The following HCN1 variants were observed in gnomAD, a reference collection of about 807,000 sequenced individuals.
HCN1 encodes the protein potassium/sodium hyperpolarization-activated cyclic nucleotide-gated channel 1.
Under a neutral mutation model 78.9 loss-of-function variants are expected in HCN1, and 13 were observed. That is an observed-to-expected ratio of 0.16 (90% CI 0.11 to 0.26). The LOEUF is 0.26. Among genes scored for constraint, HCN1 ranks in the 10% least tolerant of loss-of-function variants. HCN1 has a pLI of 1.00. For synonymous variants in HCN1, 552 were observed against 455.5 expected, an observed-to-expected ratio of 1.21 and a Z score of -2.70; for missense variants, 810 against 1,154.3, an observed-to-expected ratio of 0.70 and a Z score of 4.32.
chr5:45,579,091 T>C (rs537259185), intron 2 of HCN1, among the ~76,000 whole-genome samples: 1 of 152,032 alleles, frequency 6.6e-6, no homozygotes, highest in Admixed American at 6.6e-5. Flanking sequence ...AGTATCTGTT[T>C]ATAAAATCAA....
chr5:45,355,004 T>C (rs1374080937), intron 4 of HCN1, among the ~76,000 whole-genome samples: 1 of 152,034 alleles, frequency 6.6e-6, no homozygotes, highest in East Asian at 1.9e-4. Flanking sequence ...GGAAAATTAA[T>C]CCCTTTGTAG....
intron 2 of HCN1, among the ~76,000 whole-genome samples, chr5:45,472,563 G>A (rs1309613828): frequency 8.0e-6 from 1 of 125,132 alleles, no homozygotes; most frequent in African/African-American, 3.1e-5. Flanking sequence ...AGGGAGGGAG[G>A]AAAGGAAAGA....
chr5:45,437,524 T>C (rs1740580378), intron 3 of HCN1, among the ~76,000 whole-genome samples: 1 of 152,190 alleles, frequency 6.6e-6, no homozygotes, highest in Non-Finnish European at 1.5e-5. Flanking sequence ...TCTCATCCAT[T>C]CACATTCATG....
At chr5:45,624,813 C>T (rs1745130515) in intron 2 of HCN1, among the ~76,000 whole-genome samples, 1 of 151,618 alleles carries the variant, frequency 6.6e-6, no homozygotes, top group Admixed American at 6.6e-5. Flanking sequence ...ATGTAGGGCA[C>T]ACTGGAACAA....
chr5:45,503,789 C>T (rs906261885), intron 2 of HCN1, among the ~76,000 whole-genome samples: 2 of 151,484 alleles, frequency 1.3e-5, no homozygotes, highest in African/African-American at 4.9e-5. Context: ...CCCTCCACCC[C>T]CTTAACCCTG....
chr5:45,448,070 C>T (rs983934218), intron 3 of HCN1, among the ~76,000 whole-genome samples: 4 of 151,476 alleles, frequency 2.6e-5, no homozygotes, highest in African/African-American at 9.7e-5. Flanking sequence ...TTATAATTAC[C>T]AAATTATAAT....
chr5:45,493,192 T>C (rs1741931375), intron 2 of HCN1, among the ~76,000 whole-genome samples: 1 of 152,034 alleles, frequency 6.6e-6, no homozygotes, highest in Non-Finnish European at 1.5e-5. Context: ...TTTTAACTAT[T>C]TATTTATTTT....
intron 2 of HCN1, among the ~76,000 whole-genome samples, chr5:45,528,711 C>A (rs1742786926): frequency 6.6e-6 from 1 of 151,892 alleles, no homozygotes; most frequent in African/African-American, 2.4e-5. Flanking sequence ...CCAAATTTTG[C>A]CTTAACCCCC....
At chr5:45,539,631 C>T (rs1345813107) in intron 2 of HCN1, among the ~76,000 whole-genome samples, 1 of 150,044 alleles carries the variant, frequency 6.7e-6, no homozygotes, top group African/African-American at 2.4e-5. Flanking sequence ...TGCCACTGCA[C>T]TCCAGCCTGG....
intron 1 of HCN1, 78 bp downstream of exon 1, chr5:45,695,591 G>GC: frequency 2.9e-6 from 4 of 1,361,370 alleles, no homozygotes; most frequent in Non-Finnish European, 4.1e-6. Context: ...TCCCCGGGAC[G>GC]CCCCCCACCC....
chr5:45,509,485 C>T (rs545952210), intron 2 of HCN1, among the ~76,000 whole-genome samples: 1 of 152,120 alleles, frequency 6.6e-6, no homozygotes, highest in South Asian at 2.1e-4. Flanking sequence ...TGAGCATGAA[C>T]TGCACTCATG....
intron 5 of HCN1, among the ~76,000 whole-genome samples, chr5:45,310,721 C>A (rs1745832124): frequency 6.6e-6 from 1 of 152,038 alleles, no homozygotes; most frequent in African/African-American, 2.4e-5. Context: ...TGCATATGTT[C>A]ATTGCAGCAC....
intron 2 of HCN1, among the ~76,000 whole-genome samples, chr5:45,566,394 A>G (rs1175021803): frequency 1.3e-5 from 2 of 152,160 alleles, no homozygotes; most frequent in East Asian, 3.8e-4. Flanking sequence ...TTTTATTACT[A>G]GATAGTTTAC....
chr5:45,270,102 A>G (rs913148411), intron 6 of HCN1, among the ~76,000 whole-genome samples: 2 of 152,236 alleles, frequency 1.3e-5, no homozygotes, highest in African/African-American at 2.4e-5. Flanking sequence ...TGCCCATAAT[A>G]CTTTTGTTTT....
intron 5 of HCN1, among the ~76,000 whole-genome samples, chr5:45,329,103 C>A (rs1439302051): frequency 1.3e-5 from 2 of 151,368 alleles, no homozygotes; most frequent in African/African-American, 4.8e-5. Context: ...AGACTATTTT[C>A]AAAAAACTGT....
intron 5 of HCN1, among the ~76,000 whole-genome samples, chr5:45,334,349 T>C (rs1189662285): frequency 6.6e-6 from 1 of 151,814 alleles, no homozygotes; most frequent in Non-Finnish European, 1.5e-5. Flanking sequence ...AAATTCCACA[T>C]GTGCTTCCAA....
At chr5:45,273,589 T>C (rs1321685200) in intron 6 of HCN1, among the ~76,000 whole-genome samples, 1 of 152,150 alleles carries the variant, frequency 6.6e-6, no homozygotes, top group African/African-American at 2.4e-5. Context: ...TCTAAAGTAA[T>C]GTGCTTAACC....
intron 3 of HCN1, among the ~76,000 whole-genome samples, chr5:45,422,666 T>A (rs1162511588): frequency 6.6e-6 from 1 of 152,208 alleles, no homozygotes; most frequent in African/African-American, 2.4e-5. Context: ...TAGGGCCCAC[T>A]TTTCTAAACT....
At chr5:45,520,060 A>C (rs918683960) in intron 2 of HCN1, among the ~76,000 whole-genome samples, 5 of 152,038 alleles carry the variant, frequency 3.3e-5, no homozygotes, top group Non-Finnish European at 7.4e-5. Context: ...TTTATGAATA[A>C]AGATATGGGC....
Sources: allele counts gnomAD v4.1 joint callset (sites outside exome capture counted in the v4.1 genomes callset), GRCh38; gene constraint gnomAD v4.1.1; transcripts MANE v1.5; gene names NCBI Gene and HGNC (gene_info 2026-07-23, HGNC 2026-07-21).